Variants in OIP5 observed in about 807,000 individuals in gnomAD.
OIP5 encodes Opa interacting protein 5, also known as protein Mis18-beta.
Under a neutral mutation model 20.3 loss-of-function variants are expected in OIP5, and 24 were observed. That is an observed-to-expected ratio of 1.18 (90% CI 0.86 to 1.66). The LOEUF (loss-of-function observed/expected upper bound fraction) is 1.66. OIP5 is among the 40% of genes most tolerant of loss of function. The pLI is 0.00. For missense variants in OIP5, 339 were observed against 289.5 expected, an observed-to-expected ratio of 1.17 and a Z score of -1.24; for synonymous variants, 143 against 121.3, an observed-to-expected ratio of 1.18 and a Z score of -1.17.
intron 2 of OIP5, among the ~76,000 whole-genome samples, chr15:41,325,823 C>T (rs1328853292): frequency 7.5e-6 from 1 of 132,544 alleles, no homozygotes; most frequent in Non-Finnish European, 1.5e-5. Flanking sequence ...GCACTTCTGT[C>T]TGGGCAACAG....
chr15:41,321,578 A>G (rs2140463210), intron 2 of OIP5, among the ~76,000 whole-genome samples: 1 of 152,272 alleles, frequency 6.6e-6, no homozygotes, highest in South Asian at 2.1e-4. Context: ...GTTCTGTACT[A>G]AGAAAAATTC....
At chr15:41,313,520 A>G (rs2047772253) in intron 3 of OIP5, among the ~76,000 whole-genome samples, 166 bp from the exon 4 acceptor site, 1 of 152,202 alleles carries the variant, frequency 6.6e-6, no homozygotes, top group South Asian at 2.1e-4. Context: ...CCATGGGTAT[A>G]GCATCCATGG....
At chr15:41,326,668 T>C (rs1402383049) in intron 2 of OIP5, among the ~76,000 whole-genome samples, 2 of 152,212 alleles carry the variant, frequency 1.3e-5, no homozygotes, top group South Asian at 2.1e-4. Flanking sequence ...TCAGGTGATC[T>C]GCACACCTAG....
At chr15:41,331,881 G>A in intron 2 of OIP5, 34 bp downstream of exon 2, 1 of 1,568,382 alleles carries the variant, frequency 6.4e-7, no homozygotes, top group Non-Finnish European at 8.8e-7. Flanking sequence ...CATAAAGTCA[G>A]GGACTAGAGA....
Position 41,332,390 on chromosome 15 carries a change from C to T in OIP5, c.172G>A (p.Glu58Lys). 1 of 1,613,230 alleles carries T rather than the reference C, an allele frequency of 6.2e-7. No homozygotes were observed. The highest frequency in any genetic ancestry group is 2.2e-5 in the East Asian group (1 of 44,870). ...SPLGPAGLGA[E>K]EPAAGPQLPS... ...AGCTGCGGGCCGGCGGCTGGCTCCT[C>T]AGCCCCCAGCCCTGCGGGGCCGAGC... Residue 58 changes from glutamate to lysine, a missense_variant, in exon 1 of 5, where the codon GAG (glutamate) becomes AAG (lysine). Transcript: ENST00000220514.
chr15:41,317,381 C>CTT (rs1171613409), intron 3 of OIP5, among the ~76,000 whole-genome samples: 6 of 132,720 alleles, frequency 4.5e-5, no homozygotes, highest in African/African-American at 8.3e-5. Flanking sequence ...ATCCATTTTT[C>CTT]TTTTTTTTTT....
At chr15:41,314,677 G>A (rs1489296636) in intron 3 of OIP5, among the ~76,000 whole-genome samples, 2 of 150,620 alleles carry the variant, frequency 1.3e-5, no homozygotes, top group African/African-American at 4.9e-5. Context: ...TGTCACCCAG[G>A]CTGAAGTGCA....
At chr15:41,313,145 G>T in intron 4 of OIP5, 128 bp downstream of exon 4, 1 of 668,596 alleles carries the variant, frequency 1.5e-6, no homozygotes, top group Non-Finnish European at 2.6e-6. Context: ...AAATTCAATA[G>T]GGAAGGTCAA....
chr15:41,318,716 CT>C (rs11287857), intron 3 of OIP5, among the ~76,000 whole-genome samples: 51,779 of 143,562 alleles, frequency 0.36, 9,486 homozygotes, highest in African/African-American at 0.5. Flanking sequence ...GGTCCCACTG[CT>C]TTTTTTTTTT....
intron 3 of OIP5, among the ~76,000 whole-genome samples, chr15:41,315,009 G>T (rs1219132682): frequency 1.3e-5 from 2 of 151,478 alleles, no homozygotes; most frequent in Non-Finnish European, 2.9e-5. Context: ...CTACTTGGGA[G>T]GCTGAGTTGG....
intron 2 of OIP5, among the ~76,000 whole-genome samples, chr15:41,327,944 C>T (rs755240241): frequency 3.0e-4 from 46 of 151,914 alleles, no homozygotes; most frequent in Non-Finnish European, 4.7e-4. Flanking sequence ...CCTATCTCTA[C>T]AACAAATTAG....
At chr15:41,328,257 G>C (rs2047873957) in intron 2 of OIP5, among the ~76,000 whole-genome samples, 1 of 152,176 alleles carries the variant, frequency 6.6e-6, no homozygotes, top group South Asian at 2.1e-4. Context: ...GGGTTCAAGT[G>C]ATCCTCCCAC....
chr15:41,316,875 C>T (rs2047791911), intron 3 of OIP5, among the ~76,000 whole-genome samples: 1 of 151,436 alleles, frequency 6.6e-6, no homozygotes. Context: ...TTAAGACATG[C>T]TCAAATCTCA....
chr15:41,324,508 T>C (rs1193584703), intron 2 of OIP5, among the ~76,000 whole-genome samples: 2 of 152,136 alleles, frequency 1.3e-5, no homozygotes, highest in Non-Finnish European at 1.5e-5. Context: ...TTTGTTTGTT[T>C]GATGGAGTTT....
rs2047770457 is a variant in OIP5, at chr15:41,313,285, T to C, written c.582A>G (p.Glu194=). ...EMDIQNVPLS[E]KIAELKEKIV... ...CATGAAATTTTACCTCTGCAATCTT[T>C]TCTGATAGAGGAACATTTTGAATAT... Residue 194 remains glutamate (E), a synonymous_variant, in exon 4 of 5, where the codon GAA becomes GAG. Transcript: ENST00000220514. 1.3e-6 allele frequency: 2 copies of C among 1,597,816 alleles called. No homozygotes were observed. The highest frequency in any genetic ancestry group is 1.7e-6 in the Non-Finnish European group (2 of 1,169,066).
At chr15:41,312,404 A>C (rs2047761651) in intron 4 of OIP5, among the ~76,000 whole-genome samples, 1 of 148,688 alleles carries the variant, frequency 6.7e-6, no homozygotes, top group Admixed American at 6.7e-5. Context: ...CGGGTTATCC[A>C]TCCGCCTCAG....
intron 4 of OIP5, among the ~76,000 whole-genome samples, chr15:41,310,846 T>C (rs567316637): frequency 6.6e-6 from 1 of 152,312 alleles, no homozygotes; most frequent in African/African-American, 2.4e-5. Flanking sequence ...ATTCTACTAA[T>C]GGTCTGCAAA....
At chr15:41,330,023 AAAC>A (rs2047887053) in intron 2 of OIP5, among the ~76,000 whole-genome samples, 1 of 152,144 alleles carries the variant, frequency 6.6e-6, no homozygotes, top group African/African-American at 2.4e-5. Context: ...AATAAAATAA[AAAC>A]AGGTGAAATT....
intron 3 of OIP5, among the ~76,000 whole-genome samples, chr15:41,317,516 A>AT (rs2047795634): frequency 6.6e-6 from 1 of 151,570 alleles, no homozygotes; most frequent in African/African-American, 2.4e-5. Flanking sequence ...AGTAGCTAGG[A>AT]TTACAGGCAT....
Sources: allele counts gnomAD v4.1 joint callset (sites outside exome capture counted in the v4.1 genomes callset), GRCh38; gene constraint gnomAD v4.1.1; transcripts MANE v1.5; gene names NCBI Gene and HGNC (gene_info 2026-07-23, HGNC 2026-07-21).